RANBP2: variants seen among roughly 807,000 people sequenced by gnomAD.
RANBP2 encodes the protein E3 SUMO-protein ligase RanBP2.
Under a neutral mutation model 303.6 loss-of-function variants are expected in RANBP2, and 57 were observed. The observed-to-expected ratio is 0.19, with a 90% confidence interval of 0.15 to 0.23. The LOEUF (loss-of-function observed/expected upper bound fraction) is 0.23, where lower values mean the gene tolerates loss of function less well. RANBP2 is among the 10% of genes least tolerant of loss of function. The pLI, the probability that RANBP2 is intolerant of heterozygous loss-of-function variation, is 1.00. For synonymous variants in RANBP2, 1,167 were observed against 1,301.5 expected (o/e 0.90, Z 2.23); for missense variants, 3,138 against 3,780.8 (o/e 0.83, Z 4.46).
chr2:109,496,443 A>G, the RANBP2 span, among the ~76,000 whole-genome samples: 1 of 152,108 alleles, frequency 6.6e-6, no homozygotes, highest in Non-Finnish European at 1.5e-5. Flanking sequence ...CCAAGTCCCC[A>G]CTCGACCCAG....
the RANBP2 span, chr2:109,419,443 C>T: frequency 1.5e-6 from 2 of 1,293,546 alleles, no homozygotes; most frequent in Non-Finnish European, 2.1e-6. Context: ...GCTGGCGAAG[C>T]ACAGGCACCT....
chr2:109,477,846 GCT>G, the RANBP2 span, among the ~76,000 whole-genome samples: 2 of 152,130 alleles, frequency 1.3e-5, no homozygotes, highest in African/African-American at 4.8e-5. Flanking sequence ...ACCTCCTAAG[GCT>G]ATCACACTGG....
the RANBP2 span, among the ~76,000 whole-genome samples, chr2:109,170,472 A>C: frequency 6.6e-6 from 1 of 151,592 alleles, no homozygotes; most frequent in African/African-American, 2.4e-5. Context: ...CAGCCTCCTG[A>C]GTAGCTGGGA....
chr2:109,123,416 T>A, the RANBP2 span, among the ~76,000 whole-genome samples: 1 of 140,240 alleles, frequency 7.1e-6, no homozygotes, highest in African/African-American at 2.6e-5. Context: ...AGCACAGTGC[T>A]CCCTGGGGTC....
the RANBP2 span, among the ~76,000 whole-genome samples, chr2:108,964,617 G>A: frequency 1.3e-5 from 2 of 152,326 alleles, no homozygotes; most frequent in East Asian, 1.9e-4. Flanking sequence ...AAAGAACTAG[G>A]TTTCTCTGAG....
At chr2:109,608,373 A>G in the RANBP2 span, among the ~76,000 whole-genome samples, 1 of 152,222 alleles carries the variant, frequency 6.6e-6, no homozygotes. Context: ...GCACTCTAAG[A>G]CAATAGGACT....
At chr2:108,839,402 C>T in the RANBP2 span, 1 of 977,572 alleles carries the variant, frequency 1.0e-6, no homozygotes, top group Non-Finnish European at 1.5e-6. Flanking sequence ...CTCTGTATTT[C>T]AGAATAATCT....
chr2:109,309,362 G>A, the RANBP2 span, among the ~76,000 whole-genome samples: 1 of 149,824 alleles, frequency 6.7e-6, no homozygotes, highest in Admixed American at 6.7e-5. Flanking sequence ...CGCTAAACAT[G>A]GAAAGGAACA....
At chr2:109,147,370 G>A in the RANBP2 span, among the ~76,000 whole-genome samples, 1 of 152,192 alleles carries the variant, frequency 6.6e-6, no homozygotes, top group Non-Finnish European at 1.5e-5. Context: ...TAAGCACCTT[G>A]TTGTTGCTGG....
At chr2:109,079,807 G>C in the RANBP2 span, among the ~76,000 whole-genome samples, 1,365 of 152,334 alleles carry the variant, frequency 9.0e-3, 8 homozygotes, top group Non-Finnish European at 0.015. Flanking sequence ...CCTTCCAGGA[G>C]GGGTAGGAAT....
chr2:108,945,105 T>C, the RANBP2 span, among the ~76,000 whole-genome samples: 2 of 152,118 alleles, frequency 1.3e-5, no homozygotes, highest in African/African-American at 4.8e-5. Context: ...ACTATGTATG[T>C]GGGCGCTGCC....
At chr2:109,629,810 CA>C in the RANBP2 span, among the ~76,000 whole-genome samples, 37 of 143,778 alleles carry the variant, frequency 2.6e-4, no homozygotes, top group Non-Finnish European at 3.4e-4. Context: ...GACTCCGTTT[CA>C]AAAAAAAAAG....
chr2:109,732,653 G>C, the RANBP2 span: 1 of 524,434 alleles, frequency 1.9e-6, no homozygotes, highest in Non-Finnish European at 3.7e-6. Flanking sequence ...ATTTTTATTA[G>C]AGAACCGGGT....
At chr2:109,731,165 C>T in the RANBP2 span, among the ~76,000 whole-genome samples, 5 of 152,116 alleles carry the variant, frequency 3.3e-5, no homozygotes, top group African/African-American at 1.2e-4. Context: ...AACATCTTCA[C>T]CTGGGGTTTA....
the RANBP2 span, among the ~76,000 whole-genome samples, chr2:108,825,624 A>G: frequency 1.3e-5 from 2 of 152,162 alleles, no homozygotes; most frequent in African/African-American, 4.8e-5. Flanking sequence ...ATGTTGTCAC[A>G]TGTGTCAATA....
At chr2:109,765,738 C>T in the RANBP2 span, among the ~76,000 whole-genome samples, 1 of 150,980 alleles carries the variant, frequency 6.6e-6, no homozygotes, top group Non-Finnish European at 1.5e-5. Flanking sequence ...GGGAGGGATG[C>T]AGAGGCACTA....
chr2:109,078,135 A>G, the RANBP2 span, among the ~76,000 whole-genome samples: 22 of 65,774 alleles, frequency 3.3e-4, 3 homozygotes, highest in East Asian at 0.038. Flanking sequence ...ATATATATAT[A>G]GCGTGTATAT....
At chr2:109,483,600 T>C in the RANBP2 span, among the ~76,000 whole-genome samples, 1 of 152,210 alleles carries the variant, frequency 6.6e-6, no homozygotes, top group East Asian at 1.9e-4. Flanking sequence ...TCGGCCAAAA[T>C]ACTGTTATTC....
chr2:108,896,654 T>G, the RANBP2 span: 2 of 520,462 alleles, frequency 3.8e-6, no homozygotes. Flanking sequence ...GGGCTGGCTG[T>G]ATGAGTGAGT....
Sources: allele counts gnomAD v4.1 joint callset (sites outside exome capture counted in the v4.1 genomes callset), GRCh38; gene constraint gnomAD v4.1.1; transcripts MANE v1.5; gene names NCBI Gene and HGNC (gene_info 2026-07-23, HGNC 2026-07-21).